The following CSMD1 variants were observed in gnomAD, a reference collection of about 807,000 sequenced individuals.
The protein encoded by CSMD1 is CUB and sushi domain-containing protein 1.
A neutral mutation model predicts 417.5 loss-of-function variants in CSMD1; 213 were observed. The observed-to-expected ratio is 0.51, with a 90% CI of 0.46 to 0.57. The LOEUF (loss-of-function observed/expected upper bound fraction) is 0.57, where lower values mean the gene tolerates loss of function less well. CSMD1 is among the 20% of genes least tolerant of loss of function. The pLI is 0.00. For missense variants in CSMD1, 6,923 were observed against 4,529.7 expected (o/e 1.53, Z -15.17); for synonymous variants, 2,862 against 1,736.8 (o/e 1.65, Z -16.11).
intron 3 of CSMD1, among the ~76,000 whole-genome samples, chr8:4,199,901 G>A (rs541364253): frequency 7.2e-5 from 11 of 152,030 alleles, no homozygotes; most frequent in Admixed American, 5.2e-4. Context: ...TGGAAGACAA[G>A]TCATACATTT....
chr8:4,460,148 A>G (rs549967345), intron 2 of CSMD1, among the ~76,000 whole-genome samples: 25 of 152,322 alleles, frequency 1.6e-4, no homozygotes, highest in African/African-American at 5.8e-4. Flanking sequence ...AAATGAGTGA[A>G]ATTATATAAA....
At position 3,833,999 on chromosome 8, in the gene CSMD1, G is replaced by A. The variant is rs571242314; in HGVS notation, c.819-79957C>T. ...TATACGGTTTGAACACCACTTTTCA[G>A]GTGAATTAAGGATTTAAATATTTAA... On this transcript the variant is annotated intron_variant, in intron 5 of 69. Coordinates refer to ENST00000635120, the MANE Select transcript of CSMD1 (RefSeq NM_033225.6). Among the ~76,000 whole-genome samples the A allele has an allele frequency of 1.7e-3, 265 of 152,086 alleles. 1 individual carries two copies. In the Middle Eastern group the frequency reaches 0.02, roughly 12 times the overall value.
intron 2 of CSMD1, among the ~76,000 whole-genome samples, chr8:4,560,473 G>C (rs1798281848): frequency 1.3e-5 from 2 of 152,116 alleles, no homozygotes. Flanking sequence ...ATGTATTTTA[G>C]TAACCTATAA....
chr8:4,304,016 T>C (rs1286199564), intron 3 of CSMD1, among the ~76,000 whole-genome samples: 1 of 152,092 alleles, frequency 6.6e-6, no homozygotes, highest in Non-Finnish European at 1.5e-5. Flanking sequence ...GAAGCGTCCA[T>C]AAAAGAACCA....
chr8:3,607,775 G>A (rs1801691912), intron 8 of CSMD1, among the ~76,000 whole-genome samples: 1 of 152,180 alleles, frequency 6.6e-6, no homozygotes, highest in Non-Finnish European at 1.5e-5. Context: ...TCCATTAACT[G>A]GCAATACTCC....
At chr8:3,906,805 T>C (rs769855264) in intron 5 of CSMD1, among the ~76,000 whole-genome samples, 3 of 152,186 alleles carry the variant, frequency 2.0e-5, no homozygotes, top group Non-Finnish European at 2.9e-5. Context: ...AGACAAAATA[T>C]ATATGAATAC....
chr8:3,141,456 T>C (rs1308459463), intron 41 of CSMD1, among the ~76,000 whole-genome samples: 1 of 152,190 alleles, frequency 6.6e-6, no homozygotes, highest in Non-Finnish European at 1.5e-5. Context: ...CCTTCTTGCC[T>C]GGGGACCAGT....
intron 4 of CSMD1, among the ~76,000 whole-genome samples, chr8:4,002,071 T>C (rs985485557): frequency 1.2e-4 from 18 of 152,168 alleles, no homozygotes; most frequent in South Asian, 2.1e-4. Context: ...ATTATTAAGA[T>C]AGTCTGATTG....
At chr8:3,874,559 G>GTTGC (rs1301217087) in intron 5 of CSMD1, among the ~76,000 whole-genome samples, 1 of 152,174 alleles carries the variant, frequency 6.6e-6, no homozygotes, top group African/African-American at 2.4e-5. Context: ...TTAGGGAGAT[G>GTTGC]TTGCTGCCTC....
At chr8:3,418,544 C>T (rs1813299069) in intron 12 of CSMD1, among the ~76,000 whole-genome samples, 1 of 152,076 alleles carries the variant, frequency 6.6e-6, no homozygotes, top group African/African-American at 2.4e-5. Context: ...GATCTAGTAA[C>T]CCGATTTGGG....
intron 3 of CSMD1, among the ~76,000 whole-genome samples, chr8:4,193,067 G>C (rs746972299): frequency 6.6e-6 from 1 of 152,114 alleles, no homozygotes; most frequent in Admixed American, 6.5e-5. Context: ...TATCTTATTT[G>C]AAATACATCT....
At chr8:4,813,255 T>G (rs186029702) in intron 1 of CSMD1, among the ~76,000 whole-genome samples, 1 of 152,286 alleles carries the variant, frequency 6.6e-6, no homozygotes, top group Admixed American at 6.5e-5. Flanking sequence ...CATGAAATGC[T>G]TGTAGTAATG....
At chr8:4,553,768 C>T (rs192841349) in intron 2 of CSMD1, among the ~76,000 whole-genome samples, 19 of 152,246 alleles carry the variant, frequency 1.2e-4, no homozygotes, top group Admixed American at 1.2e-3. Context: ...CTCAGAGTAA[C>T]GTGTAATCGT....
intron 1 of CSMD1, among the ~76,000 whole-genome samples, chr8:4,691,750 C>G (rs1181890498): frequency 6.6e-6 from 1 of 152,224 alleles, no homozygotes; most frequent in Admixed American, 6.5e-5. Flanking sequence ...GAATCTGTAG[C>G]TATCTAGCCC....
intron 4 of CSMD1, among the ~76,000 whole-genome samples, chr8:4,027,766 T>TA (rs1487989297): frequency 2.6e-5 from 4 of 152,044 alleles, no homozygotes; most frequent in Non-Finnish European, 4.4e-5. Flanking sequence ...AATAAATAAC[T>TA]AAAATAACAT....
intron 2 of CSMD1, among the ~76,000 whole-genome samples, chr8:4,631,694 G>C (rs925309390): frequency 6.6e-6 from 1 of 152,100 alleles, no homozygotes; most frequent in Non-Finnish European, 1.5e-5. Flanking sequence ...AAGAAAACTG[G>C]AAAACCTATT....
At chr8:4,267,954 T>C (rs753799456) in intron 3 of CSMD1, among the ~76,000 whole-genome samples, 18 of 152,206 alleles carry the variant, frequency 1.2e-4, no homozygotes, top group Non-Finnish European at 1.6e-4. Context: ...CAAACTACAT[T>C]TTTGGATCTA....
chr8:4,373,696 G>A (rs950520455), intron 3 of CSMD1, among the ~76,000 whole-genome samples: 1 of 152,080 alleles, frequency 6.6e-6, no homozygotes, highest in Non-Finnish European at 1.5e-5. Flanking sequence ...TTAATTAGAA[G>A]GAAACATTTC....
intron 3 of CSMD1, among the ~76,000 whole-genome samples, chr8:4,301,222 C>G (rs560490483): frequency 6.6e-6 from 1 of 152,226 alleles, no homozygotes; most frequent in South Asian, 2.1e-4. Flanking sequence ...GCTAGTTTGT[C>G]AAAACAATCT....
Sources: gnomAD v4.1 joint callset for allele counts (sites outside exome capture counted in the v4.1 genomes callset) on GRCh38, gnomAD v4.1.1 for gene constraint, MANE v1.5 for transcripts, NCBI Gene and HGNC (gene_info 2026-07-23, HGNC 2026-07-21) for gene names.